Variants in MOB3B observed in about 807,000 individuals in gnomAD.
The protein encoded by MOB3B is MOB kinase activator 3B.
Under a neutral mutation model 18.7 loss-of-function variants are expected in MOB3B, and 7 were observed. The ratio of observed to expected loss-of-function variants is 0.37; its 90% CI spans 0.21 to 0.70. The LOEUF (loss-of-function observed/expected upper bound fraction) is 0.70, where lower values mean the gene tolerates loss of function less well. Among genes scored for constraint, MOB3B ranks in the 30% least tolerant of loss-of-function variants. MOB3B has a pLI of 0.52. For synonymous variants in MOB3B, 111 were observed against 99.9 expected (o/e 1.11, Z -0.66); for missense variants, 253 against 281.3 (o/e 0.90, Z 0.72).
intron 1 of MOB3B, among the ~76,000 whole-genome samples, chr9:27,472,249 T>C (rs1440887740): frequency 6.6e-6 from 1 of 150,808 alleles, no homozygotes; most frequent in Non-Finnish European, 1.5e-5. Context: ...CAAGTAAGGG[T>C]GACACCACTT....
chr9:27,454,425 C>G (rs1313856460), intron 2 of MOB3B, among the ~76,000 whole-genome samples: 3 of 152,220 alleles, frequency 2.0e-5, no homozygotes, highest in African/African-American at 7.2e-5. Flanking sequence ...GCATAAAACA[C>G]TAAATTCTAA....
Position 27,325,296 on chromosome 9 carries a change from C to G in MOB3B, c.*5291G>C, listed in dbSNP as rs887331442. On this transcript the variant is annotated 3_prime_UTR_variant, in exon 4 of 4. Coordinates refer to ENST00000262244, the MANE Select transcript of MOB3B (RefSeq NM_024761.5). The stretch of plus-strand genomic sequence containing the variant: ...CTAAATATCATTTAATTTTATGTTG[C>G]TTTTCTAATTGATTTAATTGTTAGT... 6.6e-6 allele frequency: 1 copy of G among 152,060 alleles called. No homozygotes were observed. The highest frequency in any genetic ancestry group is 2.4e-5 in the African/African-American group (1 of 41,410). The allele number at this position is 152,060 out of a possible 1,614,324, so 9.4% of individuals were successfully genotyped here.
At chr9:27,392,053 G>A (rs1587176934) in intron 2 of MOB3B, among the ~76,000 whole-genome samples, 1 of 152,124 alleles carries the variant, frequency 6.6e-6, no homozygotes, top group Non-Finnish European at 1.5e-5. Context: ...GTTCCTGGAA[G>A]TACTATCCCC....
At chr9:27,502,579 T>TAC (rs954691316) in intron 1 of MOB3B, among the ~76,000 whole-genome samples, 4 of 152,236 alleles carry the variant, frequency 2.6e-5, no homozygotes, top group Non-Finnish European at 5.9e-5. Flanking sequence ...GATGGCCAAG[T>TAC]ACACATCAGG....
chr9:27,347,268 G>A (rs1821041286), intron 3 of MOB3B, among the ~76,000 whole-genome samples: 1 of 152,366 alleles, frequency 6.6e-6, no homozygotes, highest in East Asian at 1.9e-4. Flanking sequence ...TATAGAACCT[G>A]TGTGCTAAGG....
At chr9:27,385,936 G>C (rs1475738276) in intron 2 of MOB3B, among the ~76,000 whole-genome samples, 1 of 152,202 alleles carries the variant, frequency 6.6e-6, no homozygotes, top group East Asian at 1.9e-4. Flanking sequence ...GTGAAGAGAG[G>C]GAATGAAGAA....
At chr9:27,361,567 T>C (rs77170380) in intron 2 of MOB3B, among the ~76,000 whole-genome samples, 1,878 of 152,262 alleles carry the variant, frequency 0.012, 47 homozygotes, top group African/African-American at 0.043. Flanking sequence ...GACCTGGGAT[T>C]AACAGTAAAA....
chr9:27,419,767 C>T lies in MOB3B; in HGVS notation c.418+35366G>A, dbSNP rs191291261. Among the ~76,000 whole-genome samples the T allele has an allele frequency of 8.9e-3, 1,358 of 152,206 alleles. 8 individuals are homozygous for T. The highest frequency in any genetic ancestry group is 0.014 in the Non-Finnish European group (973 of 68,018). Reference sequence around the variant, plus strand: ...TAGGCAAGATTTCATGACCAAGAACCCAAAAGCAAATGCAATAAAAACAAA... The same window carrying T: ...TAGGCAAGATTTCATGACCAAGAACTCAAAAGCAAATGCAATAAAAACAAA... On this transcript the variant is annotated intron_variant, in intron 2 of 3. Transcript: ENST00000262244.
intron 2 of MOB3B, among the ~76,000 whole-genome samples, chr9:27,406,197 A>G (rs1325479994): frequency 1.3e-5 from 2 of 152,208 alleles, no homozygotes; most frequent in African/African-American, 2.4e-5. Context: ...CCAAAAAACT[A>G]TTAGAATTGA....
intron 1 of MOB3B, among the ~76,000 whole-genome samples, chr9:27,488,928 G>A (rs554672741): frequency 2.6e-5 from 4 of 152,344 alleles, no homozygotes; most frequent in African/African-American, 9.6e-5. Flanking sequence ...TTACATGCCA[G>A]GGGCTCAGAA....
At chr9:27,422,568 A>C (rs1351284616) in intron 2 of MOB3B, among the ~76,000 whole-genome samples, 1 of 152,222 alleles carries the variant, frequency 6.6e-6, no homozygotes, top group Middle Eastern at 3.2e-3. Context: ...GTTTTCATGC[A>C]TTGGCAATAT....
intron 2 of MOB3B, among the ~76,000 whole-genome samples, chr9:27,426,560 G>C (rs1431988461): frequency 6.6e-6 from 1 of 152,196 alleles, no homozygotes; most frequent in East Asian, 1.9e-4. Flanking sequence ...TCTGAAGCTC[G>C]CTCCAGAGCG....
intron 3 of MOB3B, among the ~76,000 whole-genome samples, chr9:27,342,620 C>T (rs1820963589): frequency 6.6e-6 from 1 of 152,214 alleles, no homozygotes; most frequent in Non-Finnish European, 1.5e-5. Context: ...GCGCGCGCCG[C>T]CACACCTGAC....
At chr9:27,359,384 G>GT (rs1449454027) in intron 2 of MOB3B, 148 bp from the exon 3 acceptor site, 2 of 634,064 alleles carry the variant, frequency 3.2e-6, no homozygotes, top group East Asian at 2.8e-5. Flanking sequence ...TGTGTGGGGG[G>GT]GGGGGGTTGG....
At chr9:27,483,663 G>A (rs747291994) in intron 1 of MOB3B, among the ~76,000 whole-genome samples, 5 of 152,192 alleles carry the variant, frequency 3.3e-5, no homozygotes, top group Admixed American at 2.0e-4. Flanking sequence ...GCTTTTCATC[G>A]CTTGCTGCAC....
intron 2 of MOB3B, among the ~76,000 whole-genome samples, chr9:27,452,341 G>C (rs936521400): frequency 6.6e-6 from 1 of 152,144 alleles, no homozygotes; most frequent in African/African-American, 2.4e-5. Flanking sequence ...AGCCTTCACA[G>C]AGGACATGGT....
At chr9:27,457,533 T>C (rs961630383) in intron 1 of MOB3B, among the ~76,000 whole-genome samples, 1 of 152,212 alleles carries the variant, frequency 6.6e-6, no homozygotes, top group Non-Finnish European at 1.5e-5. Context: ...TTCCCCCTTA[T>C]CAACTCTGCT....
intron 2 of MOB3B, among the ~76,000 whole-genome samples, chr9:27,405,366 A>G (rs188719585): frequency 6.6e-6 from 1 of 152,208 alleles, no homozygotes; most frequent in Non-Finnish European, 1.5e-5. Flanking sequence ...TTGGCCTCCC[A>G]AAGTGCTGAG....
At chr9:27,370,305 T>C (rs1282393185) in intron 2 of MOB3B, among the ~76,000 whole-genome samples, 1 of 152,006 alleles carries the variant, frequency 6.6e-6, no homozygotes, top group Non-Finnish European at 1.5e-5. Flanking sequence ...GGTCGGGAAT[T>C]CAAGACCGGC....
Sources: allele counts gnomAD v4.1 joint callset (sites outside exome capture counted in the v4.1 genomes callset), GRCh38; gene constraint gnomAD v4.1.1; transcripts MANE v1.5; gene names NCBI Gene and HGNC (gene_info 2026-07-23, HGNC 2026-07-21).